CDH13: variants seen among roughly 807,000 people sequenced by gnomAD.
The protein encoded by CDH13 is cadherin-13.
In CDH13, 24 loss-of-function variants were observed where a neutral mutation model predicts 63.8. The observed-to-expected ratio is 0.38, with a 90% confidence interval of 0.27 to 0.53. The LOEUF is 0.53. CDH13 is among the 20% of genes least tolerant of loss of function. CDH13 has a pLI of 0.85. For synonymous variants in CDH13, 503 were observed against 355.3 expected (o/e 1.42, Z -4.67); for missense variants, 1,049 against 903.1 (o/e 1.16, Z -2.07).
At chr16:83,005,576 A>G (rs1010407883) in intron 2 of CDH13, among the ~76,000 whole-genome samples, 5 of 152,120 alleles carry the variant, frequency 3.3e-5, no homozygotes, top group African/African-American at 2.4e-5. Context: ...AAATTCTCCA[A>G]TTATTTGTGT....
chr16:83,135,416 C>G (rs1429891534), intron 4 of CDH13, among the ~76,000 whole-genome samples: 1 of 152,184 alleles, frequency 6.6e-6, no homozygotes, highest in East Asian at 1.9e-4. Context: ...TAAGTACCCT[C>G]AGAAATCAAT....
intron 4 of CDH13, among the ~76,000 whole-genome samples, chr16:83,168,639 C>G (rs7190393): frequency 5.9e-5 from 9 of 151,530 alleles, no homozygotes; most frequent in Non-Finnish European, 1.0e-4. Context: ...TTTCCCCACT[C>G]AGAGATAGCT....
chr16:83,088,946 T>C lies in CDH13; in HGVS notation c.367-36439T>C, dbSNP rs2033750470. Among the ~76,000 whole-genome samples the C allele has an allele frequency of 5.3e-5, 8 of 152,334 alleles. No individual in the cohort carries two copies. In the South Asian group the frequency reaches 1.7e-3, roughly 32 times the overall value. ...GAACATAAGCATGGCCATTCATTAA[T>C]ATATGATCAATAGATTTTTTTTGGT... On this transcript the variant is annotated intron_variant, in intron 3 of 13. Transcript: ENST00000567109.
At chr16:83,239,311 C>A (rs1231545748) in intron 5 of CDH13, among the ~76,000 whole-genome samples, 1 of 152,150 alleles carries the variant, frequency 6.6e-6, no homozygotes, top group African/African-American at 2.4e-5. Flanking sequence ...AGTGATCTAC[C>A]GCCTGGGCAC....
chr16:83,380,015 C>G (rs1466904213), intron 6 of CDH13, among the ~76,000 whole-genome samples: 1 of 149,196 alleles, frequency 6.7e-6, no homozygotes, highest in Non-Finnish European at 1.5e-5. Context: ...CCATATAATA[C>G]AATTTTTAAA....
intron 1 of CDH13, among the ~76,000 whole-genome samples, chr16:82,712,355 G>T (rs527920723): frequency 3.3e-5 from 5 of 152,102 alleles, no homozygotes; most frequent in African/African-American, 1.2e-4. Flanking sequence ...GTATAAAAAT[G>T]CTCCCTTCTG....
At chr16:83,095,710 G>T (rs1486869846) in intron 3 of CDH13, among the ~76,000 whole-genome samples, 1 of 152,118 alleles carries the variant, frequency 6.6e-6, no homozygotes, top group Non-Finnish European at 1.5e-5. Context: ...TCAGAACCAT[G>T]AATTCAGAGG....
At chr16:83,462,537 G>A (rs1178899769) in intron 6 of CDH13, among the ~76,000 whole-genome samples, 2 of 152,184 alleles carry the variant, frequency 1.3e-5, no homozygotes, top group Non-Finnish European at 2.9e-5. Context: ...AGGAGTTTGA[G>A]GTCAGGAGTT....
At chr16:83,751,895 C>T (rs971188033) in intron 11 of CDH13, among the ~76,000 whole-genome samples, 14 of 152,240 alleles carry the variant, frequency 9.2e-5, no homozygotes, top group African/African-American at 3.4e-4. Flanking sequence ...GTTGAGATTA[C>T]GTCCCAGAAG....
chr16:82,884,175 C>T (rs2040804806), intron 2 of CDH13: 1 of 455,786 alleles, frequency 2.2e-6, no homozygotes, highest in Non-Finnish European at 4.4e-6. Context: ...TTCTTTCCAA[C>T]ATAATACAGA....
intron 1 of CDH13, among the ~76,000 whole-genome samples, chr16:82,713,226 A>C (rs1240011051): frequency 3.3e-5 from 5 of 152,288 alleles, no homozygotes; most frequent in African/African-American, 1.2e-4. Context: ...CAGCCTGGCC[A>C]AGACCTATCA....
intron 2 of CDH13, among the ~76,000 whole-genome samples, chr16:82,869,107 C>T (rs376244278): frequency 8.5e-5 from 13 of 152,192 alleles, no homozygotes; most frequent in East Asian, 5.8e-4. Context: ...AGTGCAGTGG[C>T]GCAATCTCAA....
At chr16:83,492,050 C>T (rs556702733) in intron 7 of CDH13, among the ~76,000 whole-genome samples, 6 of 152,224 alleles carry the variant, frequency 3.9e-5, no homozygotes, top group East Asian at 1.9e-4. Context: ...ATCTAGCCAA[C>T]GAATTTGGAT....
At chr16:82,770,467 T>C (rs1482413068) in intron 1 of CDH13, among the ~76,000 whole-genome samples, 1 of 152,204 alleles carries the variant, frequency 6.6e-6, no homozygotes, top group Non-Finnish European at 1.5e-5. Flanking sequence ...AAATTGTTGG[T>C]TTAGTTTTTT....
At chr16:83,197,108 A>G (rs528360620) in intron 4 of CDH13, among the ~76,000 whole-genome samples, 15 of 152,328 alleles carry the variant, frequency 9.8e-5, no homozygotes, top group Non-Finnish European at 1.5e-4. Flanking sequence ...GCTCAGCAAT[A>G]AAATGAATGA....
intron 2 of CDH13, among the ~76,000 whole-genome samples, chr16:82,910,246 T>C (rs1387481741): frequency 1.3e-5 from 2 of 152,190 alleles, no homozygotes; most frequent in African/African-American, 4.8e-5. Flanking sequence ...TTGGAACTAC[T>C]TGTCATCACT....
intron 6 of CDH13, among the ~76,000 whole-genome samples, chr16:83,364,018 C>T (rs2091212637): frequency 6.6e-6 from 1 of 152,104 alleles, no homozygotes; most frequent in Non-Finnish European, 1.5e-5. Flanking sequence ...CACACTCACC[C>T]CTCCAATTTA....
chr16:83,444,602 A>G (rs2072611334), intron 6 of CDH13, among the ~76,000 whole-genome samples: 1 of 152,188 alleles, frequency 6.6e-6, no homozygotes, highest in Non-Finnish European at 1.5e-5. Flanking sequence ...AGAGCCAGTC[A>G]TAGTGCCCAA....
At chr16:83,134,583 G>GAGAGAGAGAGAA (rs2036200869) in intron 4 of CDH13, among the ~76,000 whole-genome samples, 4 of 59,746 alleles carry the variant, frequency 6.7e-5, no homozygotes, top group African/African-American at 4.9e-4. Context: ...GAGAGAGAGA[G>GAGAGAGAGAGAA]AGAGAGAGAG....
Sources: allele counts gnomAD v4.1 joint callset (sites outside exome capture counted in the v4.1 genomes callset), GRCh38; gene constraint gnomAD v4.1.1; transcripts MANE v1.5; gene names NCBI Gene and HGNC (gene_info 2026-07-23, HGNC 2026-07-21).